Variants in ALPP observed in about 807,000 individuals in gnomAD.
The protein encoded by ALPP is alkaline phosphatase, placental.
Under a neutral mutation model 50.7 loss-of-function variants are expected in ALPP, and 39 were observed. The observed-to-expected ratio is 0.77, with a 90% CI of 0.60 to 1.00. The LOEUF is 1.00. Among genes scored for constraint, ALPP ranks in the 50% least tolerant of loss-of-function variants. The pLI is 0.00. For synonymous variants in ALPP, 226 were observed against 320.3 expected, an observed-to-expected ratio of 0.71 and a Z score of 3.14; for missense variants, 550 against 746.8, an observed-to-expected ratio of 0.74 and a Z score of 3.07.
rs1165414403 is a variant in ALPP at position 232,379,325 on chromosome 2, G to A, written c.309+10G>A. ...TGTGGCTCTGTCCAAGGTAAGTGCTGGGCTACCTTAGAGTCCTCCAAGCAC... is the reference window on the plus strand; with the variant it reads ...TGTGGCTCTGTCCAAGGTAAGTGCTAGGCTACCTTAGAGTCCTCCAAGCAC... On this transcript the variant is annotated intron_variant, in intron 3 of 10. Coordinates refer to ENST00000392027, the MANE Select transcript of ALPP (RefSeq NM_001632.5). 1.2e-6 allele frequency: 2 copies of A among 1,613,624 alleles called. No individual in the cohort carries two copies. Among genetic ancestry groups the A allele is most frequent in the Non-Finnish European group, 1.7e-6 (2 of 1,179,822 alleles).
Position 232,382,414 on chromosome 2 carries a change from G to C in ALPP, c.*619G>C, listed in dbSNP as rs1219945492. 1 of 153,574 alleles carries C rather than the reference G, an allele frequency of 6.5e-6. No homozygotes were observed. Among genetic ancestry groups the C allele is most frequent in the Admixed American group, 6.5e-5 (1 of 15,436 alleles). The allele number at this position is 153,574 out of a possible 1,614,324, so 9.5% of individuals were successfully genotyped here. ...TCTCAGACGTTCCATACCCCCACAT[G>C]CCAATTTCAGCACCCAACTGAGATC... On this transcript the variant is annotated 3_prime_UTR_variant, in exon 11 of 11. Coordinates refer to ENST00000392027, the MANE Select transcript of ALPP (RefSeq NM_001632.5).
chr2:232,380,355 G>C, intron 6 of ALPP, 35 bp downstream of exon 6: 5 of 1,613,378 alleles, frequency 3.1e-6, no homozygotes, highest in Non-Finnish European at 4.2e-6. Context: ...GGGCACAGCA[G>C]GGGGAGGGCA....
In ALPP at chr2:232,379,881, G is replaced by C. The variant is rs371349871; in HGVS notation, c.602G>C (p.Arg201Pro). The change falls in exon 5 of 11, where the codon CGC becomes CCC. Residue 201 changes from arginine to proline, a missense_variant. Physicochemically the swap from Arg to Pro is moderately radical, Grantham distance 103. Transcript: ENST00000392027. ...YSDADVPASA[R>P]QEGCQDIATQ... ...GACGCCGACGTGCCTGCCTCCGCCC[G>C]CCAGGAGGGGTGCCAGGACATCGCT... 3.1e-5 allele frequency: 50 copies of C among 1,613,034 alleles called. No individual in the cohort carries two copies. The highest frequency in any genetic ancestry group is 4.2e-5 in the Non-Finnish European group (49 of 1,179,842).
At position 232,381,334 on chromosome 2, in the gene ALPP, G is replaced by C. The variant is rs755952363; in HGVS notation, c.1276G>C (p.Gly426Arg). The C allele has an allele frequency of 6.2e-7, 1 of 1,614,174 alleles. No individual in the cohort carries two copies. Among genetic ancestry groups the C allele is most frequent in the South Asian group, 1.1e-5 (1 of 91,064 alleles). Residue 426 changes from glycine to arginine, a missense_variant, in exon 10 of 11, where the codon GGC becomes CGC. By Grantham distance (125) the Gly-to-Arg change is moderately radical. Coordinates refer to ENST00000392027, the MANE Select transcript of ALPP (RefSeq NM_001632.5). ...CGGTCCAGGCTATGTGCTCAAGGAC[G>C]GCGCCCGGCCGGATGTTACCGAGAG... ...GNGPGYVLKD[G>R]ARPDVTESES...
chr2:232,379,815 C>A lies in ALPP; in HGVS notation c.536C>A (p.Ala179Asp). 8 of 1,613,882 alleles carry A rather than the reference C, an allele frequency of 5.0e-6. No homozygotes were observed. Among genetic ancestry groups the A allele is most frequent in the Non-Finnish European group, 5.9e-6 (7 of 1,180,040 alleles). Reference protein sequence around the residue: ...TTTRVQHASPAGTYAHTVNRN... With the variant: ...TTTRVQHASPDGTYAHTVNRN... Reference sequence around the variant, plus strand: ...ACACGAGTGCAGCACGCCTCGCCAGCCGGCACCTACGCCCACACGGTGAAC... The same window carrying A: ...ACACGAGTGCAGCACGCCTCGCCAGACGGCACCTACGCCCACACGGTGAAC... The change falls in exon 5 of 11, where the codon GCC (alanine) becomes GAC (aspartate). Residue 179 changes from alanine (A) to aspartate (D), a missense_variant. Ala to Asp is a moderately radical substitution (Grantham distance 126, BLOSUM62 -2). Around this residue, in one of 5 missense-constraint regions of ALPP, gnomAD observed 376 missense variants for 388.5 expected, o/e 0.97. Transcript: ENST00000392027.
In ALPP at chr2:232,382,006, AC is replaced by A; in HGVS notation, c.*215del. ...GGCTGCTCTCGGACTCCCTACCCCA[AC>A]CCCAGGGACTGCAGGTTGTGCCCTG... On this transcript the variant is annotated 3_prime_UTR_variant, in exon 11 of 11. Coordinates refer to ENST00000392027, the MANE Select transcript of ALPP (RefSeq NM_001632.5). The A allele has an allele frequency of 2.5e-6, 2 of 792,030 alleles. No homozygotes were observed. Among genetic ancestry groups the A allele is most frequent in the Non-Finnish European group, 3.9e-6 (2 of 517,444 alleles). The allele number at this position is 792,030 out of a possible 1,614,324, so 49.1% of individuals were successfully genotyped here. A position where few individuals can be genotyped will look rare whatever the true frequency, so the allele number is the denominator to read the frequency against.
chr2:232,381,787 G>T lies in ALPP; in HGVS notation c.1600G>T (p.Ala534Ser). Reference protein sequence around the residue: ...GTLLLLETATAP With the variant: ...GTLLLLETATSP ...CCTGCTGCTGCTGGAGACGGCCACTGCTCCCTGAGTGTCCCGTCCCTGGGG... is the reference window on the plus strand; with the variant it reads ...CCTGCTGCTGCTGGAGACGGCCACTTCTCCCTGAGTGTCCCGTCCCTGGGG... Residue 534 changes from alanine (A) to serine (S), a missense_variant, in exon 11 of 11, where the codon GCT becomes TCT. Transcript: ENST00000392027. 6.3e-7 allele frequency: 1 copy of T among 1,578,992 alleles called. No individual in the cohort carries two copies. Among genetic ancestry groups the T allele is most frequent in the Non-Finnish European group, 8.6e-7 (1 of 1,167,578 alleles).
At position 232,379,010 on chromosome 2, in the gene ALPP, C is replaced by G; in HGVS notation, c.116C>G (p.Ala39Gly). Residue 39 changes from alanine to glycine, a missense_variant, in exon 2 of 11, where the codon GCC (alanine) becomes GGC (glycine). By Grantham distance (60) the Ala-to-Gly change is moderately conservative. Transcript: ENST00000392027. ...ENPDFWNREA[A>G]EALGAAKKLQ... ...CCGGACTTCTGGAACCGCGAGGCAG[C>G]CGAGGCCCTGGGTGCCGCCAAGAAG... 6.2e-7 allele frequency: 1 copy of G among 1,614,136 alleles called. No homozygotes were observed. Among genetic ancestry groups the G allele is most frequent in the Non-Finnish European group, 8.5e-7 (1 of 1,180,034 alleles).
chr2:232,379,166 G>T lies in ALPP; in HGVS notation c.194-34G>T, dbSNP rs4973525. 8,798 of 1,614,084 alleles carry T rather than the reference G, an allele frequency of 5.5e-3. 336 individuals carry two copies. In the Admixed American group the frequency reaches 0.083, roughly 15 times the overall value. On this transcript the variant is annotated intron_variant, in intron 2 of 10. Coordinates refer to ENST00000392027, the MANE Select transcript of ALPP (RefSeq NM_001632.5). ...CCCTCAGTGGTTCCAGGAGAGCCCT[G>T]GGGCCCAAGCCTCACACATTTCTGT...
chr2:232,379,286 G>C lies in ALPP; in HGVS notation c.280G>C (p.Asp94His), dbSNP rs1184622128. The C allele has an allele frequency of 6.2e-7, 1 of 1,614,076 alleles. No homozygotes were observed. The highest frequency in any genetic ancestry group is 8.5e-7 in the Non-Finnish European group (1 of 1,180,022). ...GGGGCCTGAGATACCCCTGGCCATG[G>C]ACCGCTTCCCATATGTGGCTCTGTC... is the stretch of plus-strand genomic sequence containing the variant. The part of the protein sequence containing the change: ...KLGPEIPLAM[D>H]RFPYVALSKT... Residue 94 changes from aspartate to histidine, a missense_variant, in exon 3 of 11, where the codon GAC (aspartate) becomes CAC (histidine). By Grantham distance (81) the Asp-to-His change is moderately conservative (BLOSUM62 -1). Transcript: ENST00000392027.
At chr2:232,380,138 G>T in intron 5 of ALPP, 48 bp from the exon 6 acceptor site, 1 of 1,613,206 alleles carries the variant, frequency 6.2e-7, no homozygotes, top group East Asian at 2.2e-5. Context: ...GAGGGGGCAC[G>T]GGGCCAGCCA....
chr2:232,380,574 C>T (rs372804111), intron 7 of ALPP, 49 bp from the exon 8 acceptor site: 2 of 1,613,800 alleles, frequency 1.2e-6, no homozygotes, highest in East Asian at 4.5e-5. Flanking sequence ...TCCGCCAGCA[C>T]CCGCCCACCC....
chr2:232,379,452 G>A, intron 3 of ALPP, 61 bp from the exon 4 acceptor site: 1 of 1,605,890 alleles, frequency 6.2e-7, no homozygotes. Context: ...AGAGGACAGA[G>A]ATCAGGGTCT....
rs199562841 is a variant in ALPP at position 232,379,544 on chromosome 2, G to C, written c.341G>C (p.Ser114Thr). The C allele has an allele frequency of 6.2e-7, 1 of 1,614,106 alleles. No individual in the cohort carries two copies. The highest frequency in any genetic ancestry group is 2.2e-5 in the East Asian group (1 of 44,884). The stretch of plus-strand genomic sequence containing the variant: ...AATGTAGACAAACATGTGCCAGACA[G>C]TGGAGCCACAGCCACGGCCTACCTG... ...TYNVDKHVPD[S>T]GATATAYLCG... Residue 114 changes from serine (S) to threonine (T), a missense_variant, in exon 4 of 11, where the codon AGT becomes ACT. Transcript: ENST00000392027.
intron 10 of ALPP, 27 bp from the exon 11 acceptor site, chr2:232,381,470 C>T: frequency 1.2e-6 from 2 of 1,612,722 alleles, no homozygotes; most frequent in Non-Finnish European, 1.7e-6. Context: ...AATGAACCCT[C>T]CTACCGGAAC....
At position 232,382,604 on chromosome 2, in the gene ALPP, T is replaced by A. The variant is rs1429155070; in HGVS notation, c.*809T>A. ...ACAAAGCAATAATAAAAGGAAGTGT[T>A]TGTAATCCCAGCACTTTGGGAGGCC... is the stretch of plus-strand genomic sequence containing the variant. On this transcript the variant is annotated 3_prime_UTR_variant, in exon 11 of 11. Transcript: ENST00000392027. 1 of 152,270 alleles carries A rather than the reference T, an allele frequency of 6.6e-6. No individual in the cohort carries two copies. Among genetic ancestry groups the A allele is most frequent in the Non-Finnish European group, 1.5e-5 (1 of 68,184 alleles). 9.4% of individuals were successfully genotyped at this position (152,270 alleles called of 1,614,324 possible).
In ALPP at chr2:232,381,667, A is replaced by G; in HGVS notation, c.1480A>G (p.Thr494Ala). 1.2e-6 allele frequency: 2 copies of G among 1,608,958 alleles called. No homozygotes were observed. Among genetic ancestry groups the G allele is most frequent in the Non-Finnish European group, 1.7e-6 (2 of 1,178,414 alleles). ...CTTCGCCGCCTGCCTGGAGCCCTAC[A>G]CCGCCTGCGACCTGGCGCCCCCCGC... Reference protein sequence around the residue: ...MAFAACLEPYTACDLAPPAGT... With the variant: ...MAFAACLEPYAACDLAPPAGT... Residue 494 changes from threonine (T) to alanine (A), a missense_variant, in exon 11 of 11, where the codon ACC (threonine) becomes GCC (alanine). By Grantham distance (58) the Thr-to-Ala change is moderately conservative. Around this residue, in one of 5 missense-constraint regions of ALPP, gnomAD observed 155 missense variants for 167.6 expected, o/e 0.92. Transcript: ENST00000392027.
Position 232,381,930 on chromosome 2 carries a change from C to A in ALPP, c.*135C>A. ...ACAGAGGTCCTGCCATGGAACCTTC[C>A]CCTCCCCGTGCGCTCTGGGGACTGA... On this transcript the variant is annotated 3_prime_UTR_variant, in exon 11 of 11. Transcript: ENST00000392027. 7.3e-7 allele frequency: 1 copy of A among 1,361,146 alleles called. No individual in the cohort carries two copies. Among genetic ancestry groups the A allele is most frequent in the East Asian group, 2.5e-5 (1 of 39,820 alleles). 84.3% of individuals were successfully genotyped at this position (1,361,146 alleles called of 1,614,324 possible).
At position 232,382,146 on chromosome 2, in the gene ALPP, G is replaced by A. The variant is rs1298652572; in HGVS notation, c.*351G>A. Reference sequence around the variant, plus strand: ...GGGAAAAGAAGCACCCAGACCCCGCGCCCCGCTGATCTTTGCTTCAGTCCT... The same window carrying A: ...GGGAAAAGAAGCACCCAGACCCCGCACCCCGCTGATCTTTGCTTCAGTCCT... On this transcript the variant is annotated 3_prime_UTR_variant, in exon 11 of 11. Transcript: ENST00000392027. The A allele has an allele frequency of 6.7e-5, 27 of 401,032 alleles. No individual in the cohort carries two copies. The highest frequency in any genetic ancestry group is 1.0e-4 in the Non-Finnish European group (23 of 223,474). 24.8% of individuals were successfully genotyped at this position (401,032 alleles called of 1,614,324 possible).
Sources: gnomAD v4.1 joint callset for allele counts on GRCh38, gnomAD v4.1.1 for gene constraint, gnomAD v4.1.1 regional missense constraint, MANE v1.5 for transcripts, NCBI Gene and HGNC (gene_info 2026-07-23, HGNC 2026-07-21) for gene names.